Variants in CLGN observed in about 807,000 individuals in gnomAD.
The protein encoded by CLGN is testis tissue sperm-binding protein Li 79P.
A neutral mutation model predicts 79.1 loss-of-function variants in CLGN; 62 were observed. The observed-to-expected ratio is 0.78, with a 90% CI of 0.64 to 0.97. The LOEUF (loss-of-function observed/expected upper bound fraction) is 0.97. Among genes scored for constraint, CLGN ranks in the 50% least tolerant of loss-of-function variants. The probability of loss-of-function intolerance (pLI) is 0.00; values close to 1 mark genes in which losing one functional copy is unlikely to be tolerated. For synonymous variants in CLGN, 225 were observed against 224.7 expected (o/e 1.00, Z -0.01); for missense variants, 647 against 715.5 (o/e 0.90, Z 1.09).
chr4:140,396,886 T>TACAC (rs1412890545), intron 8 of CLGN, among the ~76,000 whole-genome samples: 1 of 61,964 alleles, frequency 1.6e-5, no homozygotes, highest in Non-Finnish European at 2.7e-5. Flanking sequence ...TATATATATA[T>TACAC]ATATGTATAT....
intron 1 of CLGN, among the ~76,000 whole-genome samples, chr4:140,413,925 T>C (rs1446996464): frequency 2.6e-5 from 4 of 152,170 alleles, no homozygotes; most frequent in Non-Finnish European, 4.4e-5. Flanking sequence ...AACAAAAAGA[T>C]AGCAGTAACC....
At chr4:140,413,575 G>C (rs1159253998) in intron 1 of CLGN, among the ~76,000 whole-genome samples, 1 of 152,180 alleles carries the variant, frequency 6.6e-6, no homozygotes, top group Non-Finnish European at 1.5e-5. Flanking sequence ...TTCCCTTTCC[G>C]AGTCAAAGAA....
chr4:140,408,165 T>C (rs1178515955), intron 4 of CLGN, among the ~76,000 whole-genome samples: 1 of 152,072 alleles, frequency 6.6e-6, no homozygotes, highest in Non-Finnish European at 1.5e-5. Context: ...TGTCACCTTA[T>C]ACAAAAATCA....
intron 5 of CLGN, 48 bp downstream of exon 5, chr4:140,405,894 G>A: frequency 6.4e-7 from 1 of 1,558,068 alleles, no homozygotes; most frequent in Non-Finnish European, 8.7e-7. Flanking sequence ...AGAAGCCAAA[G>A]CTAATACAAA....
Position 140,413,036 on chromosome 4 carries a change from T to A in CLGN, c.43A>T (p.Ile15Phe). 1 of 1,613,294 alleles carries A rather than the reference T, an allele frequency of 6.2e-7. No homozygotes were observed. Among genetic ancestry groups the A allele is most frequent in the Non-Finnish European group, 8.5e-7 (1 of 1,179,508 alleles). ...TCCATAAATTCTGCATTAATTGAGA[T>A]GAACAGAAGACCCAAACATAGCCAA... is the stretch of plus-strand genomic sequence containing the variant. ...AFWLCLGLLF[I>F]SINAEFMDDD... Residue 15 changes from isoleucine (I) to phenylalanine (F), a missense_variant, in exon 2 of 15, where the codon ATC becomes TTC. Ile to Phe is a conservative substitution (Grantham distance 21). Coordinates refer to ENST00000325617, the MANE Select transcript of CLGN (RefSeq NM_004362.3).
chr4:140,400,885 C>T (rs994160657), intron 6 of CLGN, among the ~76,000 whole-genome samples: 3 of 152,006 alleles, frequency 2.0e-5, no homozygotes, highest in Non-Finnish European at 4.4e-5. Flanking sequence ...ATATTTATGG[C>T]CTTAAGACTA....
chr4:140,397,997 G>C (rs1728926525), intron 8 of CLGN, among the ~76,000 whole-genome samples: 1 of 152,114 alleles, frequency 6.6e-6, no homozygotes, highest in Non-Finnish European at 1.5e-5. Context: ...CATCATTACA[G>C]AAAGATAGAA....
rs1560743618 is a variant in CLGN at position 140,405,980 on chromosome 4, T to A, written c.381A>T (p.Ala127=). ...GTTTATCAGCAAAAATGAATGGTTT[T>A]GCTAATACAGCAGATATTGCATGAT... ...AKHHAISAVL[A]KPFIFADKPL... is the part of the protein sequence containing the mutation. The change falls in exon 5 of 15, where the codon GCA becomes GCT. Residue 127 remains alanine, a synonymous_variant. Coordinates refer to ENST00000325617, the MANE Select transcript of CLGN (RefSeq NM_004362.3). The A allele has an allele frequency of 6.2e-7, 1 of 1,613,214 alleles. No individual in the cohort carries two copies.
chr4:140,400,224 A>G (rs1256388791), intron 7 of CLGN, 133 bp downstream of exon 7: 4 of 611,182 alleles, frequency 6.5e-6, no homozygotes, highest in African/African-American at 5.7e-5. Flanking sequence ...GTCATTATAC[A>G]TGTCCTATTT....
At chr4:140,426,456 T>C (rs1284073196) in intron 1 of CLGN, among the ~76,000 whole-genome samples, 2 of 152,220 alleles carry the variant, frequency 1.3e-5, no homozygotes, top group East Asian at 1.9e-4. Flanking sequence ...TTCTGAGGAT[T>C]TGGAGATGAG....
chr4:140,424,236 G>GTTT (rs1220080726), intron 1 of CLGN, among the ~76,000 whole-genome samples: 1 of 152,058 alleles, frequency 6.6e-6, no homozygotes, highest in Admixed American at 6.6e-5. Context: ...GTCTCAAGAT[G>GTTT]TTTTTCTAAC....
In CLGN at chr4:140,413,507, C is replaced by T. The variant is rs563911182; in HGVS notation, c.-9-420G>A. Among the ~76,000 whole-genome samples the T allele has an allele frequency of 6.5e-3, 991 of 152,282 alleles. 6 individuals carry two copies. The highest frequency in any genetic ancestry group is 8.0e-3 in the Non-Finnish European group (546 of 68,032). ...CAGGTCAGTGGGTGCGTGCACCGTGCGTGAGCCGAAGCAGGGCGAGGCATT... is the reference window on the plus strand; with the variant it reads ...CAGGTCAGTGGGTGCGTGCACCGTGTGTGAGCCGAAGCAGGGCGAGGCATT... On this transcript the variant is annotated intron_variant, in intron 1 of 14. Coordinates refer to ENST00000325617, the MANE Select transcript of CLGN (RefSeq NM_004362.3).
intron 8 of CLGN, among the ~76,000 whole-genome samples, chr4:140,396,904 TATGTATATATATATATATACAC>T (rs1488124489): frequency 0.028 from 2,015 of 71,268 alleles, 46 homozygotes; most frequent in African/African-American, 0.082. Flanking sequence ...TATATATATA[TATGTATATATATATATATACAC>T]ATATATATAT....
At chr4:140,414,051 T>C (rs1430457506) in intron 1 of CLGN, among the ~76,000 whole-genome samples, 1 of 152,118 alleles carries the variant, frequency 6.6e-6, no homozygotes. Flanking sequence ...CCCTGACCCC[T>C]GAGCAGCCTA....
At chr4:140,401,389 T>G (rs779312291) in intron 6 of CLGN, among the ~76,000 whole-genome samples, 6 of 152,178 alleles carry the variant, frequency 3.9e-5, no homozygotes, top group African/African-American at 1.4e-4. Context: ...TCATAGCTTA[T>G]GTACAGCTAA....
At chr4:140,420,875 C>T (rs1729456881) in intron 1 of CLGN, among the ~76,000 whole-genome samples, 1 of 152,104 alleles carries the variant, frequency 6.6e-6, no homozygotes, top group South Asian at 2.1e-4. Context: ...CGTGGTAAAA[C>T]ATTCTCATTG....
chr4:140,393,371 A>G (rs939583782), intron 11 of CLGN, among the ~76,000 whole-genome samples: 9 of 152,126 alleles, frequency 5.9e-5, no homozygotes, highest in Non-Finnish European at 1.2e-4. Context: ...TATTTAGCCC[A>G]ACCTTTTCTA....
chr4:140,417,802 A>G (rs1729374919), intron 1 of CLGN, among the ~76,000 whole-genome samples: 1 of 149,704 alleles, frequency 6.7e-6, no homozygotes, highest in Non-Finnish European at 1.5e-5. Context: ...ATTCAATGCC[A>G]TCCCCATCAA....
intron 11 of CLGN, among the ~76,000 whole-genome samples, 169 bp downstream of exon 11, chr4:140,393,657 A>G (rs1170180765): frequency 6.6e-6 from 1 of 152,176 alleles, no homozygotes; most frequent in Non-Finnish European, 1.5e-5. Context: ...GAAGTAACAT[A>G]AAAAGCAAAA....
Sources: gnomAD v4.1 joint callset for allele counts (sites outside exome capture counted in the v4.1 genomes callset) on GRCh38, gnomAD v4.1.1 for gene constraint, MANE v1.5 for transcripts, NCBI Gene and HGNC (gene_info 2026-07-23, HGNC 2026-07-21) for gene names.